Variants in ARHGAP24 observed in about 807,000 individuals in gnomAD.
ARHGAP24 encodes the protein rho GTPase-activating protein 24.
ARHGAP24 carries 50 observed loss-of-function variants against 76.4 expected under a neutral mutation model. That is an observed-to-expected ratio of 0.65 (90% CI 0.52 to 0.83). ARHGAP24 has a LOEUF of 0.83. Among genes scored for constraint, ARHGAP24 ranks in the 40% least tolerant of loss-of-function variants. ARHGAP24 has a pLI of 0.00. For synonymous variants in ARHGAP24, 345 were observed against 323.3 expected (o/e 1.07, Z -0.72); for missense variants, 930 against 914.2 (o/e 1.02, Z -0.22).
At position 85,535,985 on chromosome 4, in the gene ARHGAP24, A is replaced by G. The variant is rs962728235; in HGVS notation, c.-20-34537A>G. Among the ~76,000 whole-genome samples, 5 of 152,116 alleles carry G rather than the reference A, an allele frequency of 3.3e-5. No homozygotes were observed. In the South Asian group the frequency reaches 1.0e-3, roughly 32 times the overall value. On this transcript the variant is annotated intron_variant, in intron 1 of 9. Coordinates refer to ENST00000395184, the MANE Select transcript of ARHGAP24 (RefSeq NM_001025616.3). ...CCTGTGTCTCGTGACGTTTATTGTG[A>G]CAGGTATACCATGACTTAGTTTACA... is the stretch of plus-strand genomic sequence containing the variant.
At chr4:85,912,654 A>C (rs2148801064) in intron 3 of ARHGAP24, among the ~76,000 whole-genome samples, 1 of 152,324 alleles carries the variant, frequency 6.6e-6, no homozygotes, top group Non-Finnish European at 1.5e-5. Context: ...CATCCATAGC[A>C]GTTAACACTA....
chr4:85,741,939 C>T (rs185886573), intron 3 of ARHGAP24, among the ~76,000 whole-genome samples: 26 of 152,228 alleles, frequency 1.7e-4, no homozygotes, highest in Admixed American at 8.5e-4. Flanking sequence ...AAAAGATCTA[C>T]TCTTTAAAAA....
chr4:85,782,453 A>G (rs1029571718), intron 3 of ARHGAP24, among the ~76,000 whole-genome samples: 13 of 152,228 alleles, frequency 8.5e-5, no homozygotes, highest in Admixed American at 6.5e-5. Context: ...AAATGAATTA[A>G]TGCATGTTAG....
At chr4:85,873,017 C>CTA (rs1179240381) in intron 3 of ARHGAP24, among the ~76,000 whole-genome samples, 1 of 152,188 alleles carries the variant, frequency 6.6e-6, no homozygotes, top group Non-Finnish European at 1.5e-5. Context: ...TGCTGACACT[C>CTA]TAGACTTCGA....
chr4:85,689,763 G>C (rs1028535324), intron 2 of ARHGAP24, among the ~76,000 whole-genome samples: 1 of 152,152 alleles, frequency 6.6e-6, no homozygotes, highest in Non-Finnish European at 1.5e-5. Context: ...GGAGCCTTTT[G>C]TCAGAGTCTT....
intron 2 of ARHGAP24, among the ~76,000 whole-genome samples, chr4:85,644,118 G>A (rs1287422085): frequency 6.6e-6 from 1 of 152,134 alleles, no homozygotes; most frequent in Non-Finnish European, 1.5e-5. Context: ...TATGTGAAGG[G>A]CAAGTGACTT....
At chr4:85,705,319 G>A (rs1271900811) in intron 2 of ARHGAP24, among the ~76,000 whole-genome samples, 1 of 151,656 alleles carries the variant, frequency 6.6e-6, no homozygotes, top group African/African-American at 2.4e-5. Flanking sequence ...TTAATTTTTT[G>A]ACTCTAACAA....
At chr4:85,548,234 C>G (rs886652482) in intron 1 of ARHGAP24, among the ~76,000 whole-genome samples, 2 of 152,304 alleles carry the variant, frequency 1.3e-5, no homozygotes, top group Non-Finnish European at 2.9e-5. Context: ...TGTCCACACC[C>G]TGGAATCAGC....
chr4:85,930,124 C>T, intron 4 of ARHGAP24: 1 of 580,456 alleles, frequency 1.7e-6, no homozygotes, highest in Non-Finnish European at 2.2e-6. Flanking sequence ...AACCGCAGCC[C>T]TGCCAGCTCC....
intron 3 of ARHGAP24, among the ~76,000 whole-genome samples, chr4:85,894,993 ACAAAAAGCAAAAAAAAAAAAAAAAAAAAG>A (rs1734081329): frequency 4.5e-5 from 1 of 22,166 alleles, no homozygotes; most frequent in African/African-American, 2.0e-4. Flanking sequence ...AAAAAACAAA[ACAAAAAGCAAAAAAAAAAAAAAAAAAAAG>A]AAAAGAAAAG....
rs11930037 is a variant in ARHGAP24, at chr4:85,814,981, T to C, written c.268+93009T>C. Among the ~76,000 whole-genome samples, 1,493 of 152,302 alleles carry C rather than the reference T, an allele frequency of 9.8e-3. 27 individuals are homozygous for C. The highest frequency in any genetic ancestry group is 0.034 in the African/African-American group (1,399 of 41,570). ...CCCCATTTCTTGACTTCTTTGCACT[T>C]GCAAGCTCAACACTACATGGAAGCT... On this transcript the variant is annotated intron_variant, in intron 3 of 9. Coordinates refer to ENST00000395184, the MANE Select transcript of ARHGAP24 (RefSeq NM_001025616.3).
At chr4:85,691,732 T>C (rs989102975) in intron 2 of ARHGAP24, among the ~76,000 whole-genome samples, 8 of 152,218 alleles carry the variant, frequency 5.3e-5, no homozygotes, top group African/African-American at 9.6e-5. Flanking sequence ...GTGGGTGTCA[T>C]TACATGTAAG....
At chr4:85,758,739 CAAAAG>C (rs1233587095) in intron 3 of ARHGAP24, among the ~76,000 whole-genome samples, 4 of 152,018 alleles carry the variant, frequency 2.6e-5, no homozygotes, top group Admixed American at 2.6e-4. Context: ...AAGATGAAGA[CAAAAG>C]AGAAGAGTGG....
At chr4:85,816,217 C>T (rs77827456) in intron 3 of ARHGAP24, among the ~76,000 whole-genome samples, 1 of 152,282 alleles carries the variant, frequency 6.6e-6, no homozygotes, top group East Asian at 1.9e-4. Flanking sequence ...AGAGTGTTTT[C>T]AATATAGTCA....
chr4:85,939,515 A>C (rs1259753348), intron 4 of ARHGAP24, among the ~76,000 whole-genome samples: 1 of 152,176 alleles, frequency 6.6e-6, no homozygotes, highest in East Asian at 1.9e-4. Context: ...GTTTCTTATG[A>C]AGATGAGAGA....
intron 1 of ARHGAP24, among the ~76,000 whole-genome samples, chr4:85,569,763 T>C (rs1727002630): frequency 6.6e-6 from 1 of 152,294 alleles, no homozygotes; most frequent in South Asian, 2.1e-4. Context: ...GTTGAGGGAA[T>C]AGTCTGGGAA....
At chr4:85,614,927 A>G (rs1163932680) in intron 2 of ARHGAP24, among the ~76,000 whole-genome samples, 1 of 152,064 alleles carries the variant, frequency 6.6e-6, no homozygotes, top group Non-Finnish European at 1.5e-5. Flanking sequence ...TCATCATTAC[A>G]TTGTTTTTAT....
At chr4:85,891,359 C>T (rs1289577806) in intron 3 of ARHGAP24, among the ~76,000 whole-genome samples, 1 of 129,588 alleles carries the variant, frequency 7.7e-6, no homozygotes, top group African/African-American at 3.0e-5. Flanking sequence ...ATTTCCTTCT[C>T]CTGCCTGATT....
intron 3 of ARHGAP24, among the ~76,000 whole-genome samples, chr4:85,881,510 C>T (rs2601853): frequency 0.88 from 133,932 of 152,076 alleles, 59,066 homozygotes; most frequent in East Asian, 0.99. Context: ...GAGTAAATTT[C>T]CGTTCATCTC....
Sources: allele counts gnomAD v4.1 joint callset (sites outside exome capture counted in the v4.1 genomes callset), GRCh38; gene constraint gnomAD v4.1.1; transcripts MANE v1.5; gene names NCBI Gene and HGNC (gene_info 2026-07-23, HGNC 2026-07-21).